Variants in CELF2 observed in about 807,000 individuals in gnomAD.
CELF2 encodes the protein CUGBP Elav-like family member 2.
In CELF2, 8 loss-of-function variants were observed where a neutral mutation model predicts 62.6. The observed-to-expected ratio is 0.13, with a 90% CI of 0.07 to 0.23. CELF2 has a LOEUF of 0.23. CELF2 is among the 10% of genes least tolerant of loss of function. The pLI, the probability that CELF2 is intolerant of heterozygous loss-of-function variation, is 1.00. For missense variants in CELF2, 333 were observed against 671.0 expected (o/e 0.50, Z 5.56); for synonymous variants, 258 against 250.0 (o/e 1.03, Z -0.30).
At chr10:11,295,280 A>ACAT (rs1300936765) in intron 9 of CELF2, among the ~76,000 whole-genome samples, 5 of 152,228 alleles carry the variant, frequency 3.3e-5, no homozygotes, top group South Asian at 4.1e-4. Flanking sequence ...CACTGGAGAC[A>ACAT]CATCAGTAGA....
chr10:11,204,653 A>G (rs2060013431), intron 2 of CELF2, among the ~76,000 whole-genome samples: 1 of 152,352 alleles, frequency 6.6e-6, no homozygotes, highest in East Asian at 1.9e-4. Flanking sequence ...GTCAGACGGC[A>G]GTGATCTCCT....
At chr10:10,653,093 A>G in the CELF2 span, among the ~76,000 whole-genome samples, 1 of 152,208 alleles carries the variant, frequency 6.6e-6, no homozygotes, top group Non-Finnish European at 1.5e-5. Flanking sequence ...CAGACTTTAA[A>G]CCAACAAACA....
intron 2 of CELF2, among the ~76,000 whole-genome samples, chr10:11,201,777 G>C (rs1245176338): frequency 6.6e-6 from 1 of 152,220 alleles, no homozygotes; most frequent in African/African-American, 2.4e-5. Flanking sequence ...CTGAGCTGAG[G>C]GGCATGGCTT....
chr10:10,477,662 A>T, the CELF2 span, among the ~76,000 whole-genome samples: 1 of 151,994 alleles, frequency 6.6e-6, no homozygotes. Context: ...GACTGTTTTT[A>T]TATGACCCTT....
At chr10:10,530,278 A>T in the CELF2 span, among the ~76,000 whole-genome samples, 1 of 152,198 alleles carries the variant, frequency 6.6e-6, no homozygotes, top group Non-Finnish European at 1.5e-5. Flanking sequence ...GGATAAAAAG[A>T]TTGTGAGGAG....
At chr10:10,898,501 G>A (rs2062718766) in intron 1 of CELF2, among the ~76,000 whole-genome samples, 1 of 152,204 alleles carries the variant, frequency 6.6e-6, no homozygotes, top group Non-Finnish European at 1.5e-5. Context: ...CAGTTTCAGA[G>A]CAAAGGCTAT....
chr10:10,599,129 T>A, the CELF2 span, among the ~76,000 whole-genome samples: 6 of 152,178 alleles, frequency 3.9e-5, no homozygotes, highest in African/African-American at 1.4e-4. Context: ...GGGGACTGAT[T>A]TTTAAGCTTC....
At chr10:11,155,446 G>GAGAAGGTTTGAAA (rs1377676041) in intron 1 of CELF2, among the ~76,000 whole-genome samples, 2 of 152,188 alleles carry the variant, frequency 1.3e-5, no homozygotes, top group Non-Finnish European at 2.9e-5. Flanking sequence ...TGAAATGCAG[G>GAGAAGGTTTGAAA]TGATCAGGCT....
the CELF2 span, among the ~76,000 whole-genome samples, chr10:10,551,457 T>G: frequency 6.6e-6 from 1 of 152,042 alleles, no homozygotes; most frequent in Admixed American, 6.6e-5. Context: ...GGGAGTTAAG[T>G]GCCTTGTCTT....
intron 9 of CELF2, among the ~76,000 whole-genome samples, chr10:11,312,606 A>G (rs184945163): frequency 6.6e-6 from 1 of 152,222 alleles, no homozygotes. Context: ...AATACTATGC[A>G]TGACTTCCAA....
chr10:10,937,927 A>ACAGGTG (rs2046607410), intron 2 of CELF2, among the ~76,000 whole-genome samples: 1 of 152,200 alleles, frequency 6.6e-6, no homozygotes, highest in African/African-American at 2.4e-5. Context: ...TATTGACTGC[A>ACAGGTG]CAGGTGTTAA....
At chr10:11,140,264 C>T (rs181433795) in intron 1 of CELF2, among the ~76,000 whole-genome samples, 50 of 152,242 alleles carry the variant, frequency 3.3e-4, no homozygotes, top group African/African-American at 1.1e-3. Context: ...GTTTAGGAGA[C>T]GGGTTCTCAA....
chr10:11,117,368 A>T lies in CELF2; in HGVS notation c.75-48118A>T, dbSNP rs1186483529. On this transcript the variant is annotated intron_variant, in intron 1 of 12. Transcript: ENST00000633077. This position sits in a 1 kb window ranked among gnomAD's most constrained non-coding sequence, Gnocchi z 4.1. ...AAATCCTGCTGATTTCACAAAAGTC[A>T]AAATGTTTTGCCCTGTAGAAATTGG... Among the ~76,000 whole-genome samples the T allele has an allele frequency of 6.6e-6, 1 of 152,206 alleles. No homozygotes were observed.
At chr10:11,288,693 G>T (rs1458938931) in intron 9 of CELF2, 141 bp downstream of exon 9, 8 of 911,222 alleles carry the variant, frequency 8.8e-6, no homozygotes, top group South Asian at 4.2e-5. Flanking sequence ...TATGTCATTG[G>T]GTTATTTTAT....
chr10:10,628,537 G>A, the CELF2 span, among the ~76,000 whole-genome samples: 2 of 152,238 alleles, frequency 1.3e-5, no homozygotes, highest in South Asian at 2.1e-4. Context: ...GCTGTCACGG[G>A]GTCAAAAGTG....
intron 2 of CELF2, chr10:10,952,189 A>G (rs1487317617): frequency 4.6e-5 from 7 of 152,264 alleles, no homozygotes; most frequent in Non-Finnish European, 8.8e-5. Context: ...TTATGCCAGC[A>G]TTACCACGTT....
At chr10:10,466,673 T>C in the CELF2 span, among the ~76,000 whole-genome samples, 2 of 152,152 alleles carry the variant, frequency 1.3e-5, no homozygotes, top group Non-Finnish European at 2.9e-5. Context: ...TCCCGCAATG[T>C]TGGAGAATTC....
At chr10:11,068,581 G>A (rs943443031) in intron 1 of CELF2, among the ~76,000 whole-genome samples, 3 of 149,528 alleles carry the variant, frequency 2.0e-5, no homozygotes, top group African/African-American at 2.5e-5. Flanking sequence ...TTTTTTTTGA[G>A]ACGGAGTCTT....
rs2055754464 is a variant in CELF2 at position 11,008,585 on chromosome 10, AATC to A, written c.53+3147_53+3149del. ...AGAGTGAATCAATACTAATTATTGT[AATC>A]AGGGGGGTTAATTAGGTGAAAATGT... is the stretch of plus-strand genomic sequence containing the variant. On this transcript the variant is annotated intron_variant, in intron 1 of 12. Coordinates refer to the CELF2 transcript ENST00000416382. The surrounding 1 kb of genome is among the most constrained non-coding windows in gnomAD (Gnocchi z 4.5). Among the ~76,000 whole-genome samples the A allele has an allele frequency of 6.6e-6, 1 of 152,198 alleles. No homozygotes were observed. The highest frequency in any genetic ancestry group is 1.5e-5 in the Non-Finnish European group (1 of 68,020).
Sources: gnomAD v4.1 joint callset for allele counts (sites outside exome capture counted in the v4.1 genomes callset) on GRCh38, gnomAD v4.1.1 for gene constraint, Gnocchi (gnomAD v3.1) non-coding constraint, MANE v1.5 for transcripts, NCBI Gene and HGNC (gene_info 2026-07-23, HGNC 2026-07-21) for gene names.